Variants in ASCC2 observed in about 807,000 individuals in gnomAD.
The protein encoded by ASCC2 is activating signal cointegrator 1 complex subunit 2, also known as ASC-1 complex subunit P100.
ASCC2 carries 42 observed loss-of-function variants against 93.5 expected under a neutral mutation model. The observed-to-expected ratio is 0.45, with a 90% confidence interval of 0.35 to 0.58. The LOEUF is 0.58. ASCC2 is among the 20% of genes least tolerant of loss of function. The probability of loss-of-function intolerance (pLI) is 0.00; values close to 1 mark genes in which losing one functional copy is unlikely to be tolerated. For synonymous variants in ASCC2, 364 were observed against 384.2 expected (o/e 0.95, Z 0.62); for missense variants, 859 against 977.6 (o/e 0.88, Z 1.62).
At chr22:29,821,593 G>A (rs117687951) in intron 5 of ASCC2, among the ~76,000 whole-genome samples, 1,584 of 152,320 alleles carry the variant, frequency 0.01, 21 homozygotes, top group African/African-American at 0.033. Context: ...CCAGGTCCCC[G>A]GAACACTCTC....
At chr22:29,809,770 C>T (rs1182139297) in intron 8 of ASCC2, 2 of 151,032 alleles carry the variant, frequency 1.3e-5, no homozygotes, top group South Asian at 4.2e-4. Flanking sequence ...CAGAGTAAGA[C>T]TGTCTCAAAA....
intron 8 of ASCC2, among the ~76,000 whole-genome samples, chr22:29,812,094 A>T (rs1048285015): frequency 6.6e-6 from 1 of 152,202 alleles, no homozygotes; most frequent in African/African-American, 2.4e-5. Context: ...GATTTTTATA[A>T]GCTGAGGCGA....
At position 29,801,117 on chromosome 22, in the gene ASCC2, G is replaced by T; in HGVS notation, c.1569-7C>A. On this transcript the variant is annotated splice_polypyrimidine_tract_variant and splice_region_variant and intron_variant, in intron 14 of 19. Transcript: ENST00000307790. ...AGGGTCTGGTTTCATTTCTCTGGGT[G>T]GGGGACACAGAGATCAATTTAAGGG... 1 of 1,589,522 alleles carries T rather than the reference G, an allele frequency of 6.3e-7. No homozygotes were observed. The highest frequency in any genetic ancestry group is 1.1e-5 in the South Asian group (1 of 89,814).
chr22:29,817,666 C>T (rs1039805963), intron 5 of ASCC2, among the ~76,000 whole-genome samples: 4 of 152,204 alleles, frequency 2.6e-5, no homozygotes, highest in African/African-American at 9.6e-5. Context: ...TCCAGTGCTG[C>T]AGCCTGAGTA....
At position 29,800,923 on chromosome 22, in the gene ASCC2, G is replaced by T. The variant is rs866847007; in HGVS notation, c.1688+68C>A. On this transcript the variant is annotated intron_variant, in intron 15 of 19. Coordinates refer to ENST00000307790, the MANE Select transcript of ASCC2 (RefSeq NM_032204.5). ...CCAATTCTGCGAAGATGGAGCCCTTGGTTTCCCTGTGTCCTCTCTGCACTT... is the reference window on the plus strand; with the variant it reads ...CCAATTCTGCGAAGATGGAGCCCTTTGTTTCCCTGTGTCCTCTCTGCACTT... 42 of 1,509,474 alleles carry T rather than the reference G, an allele frequency of 2.8e-5. No individual in the cohort carries two copies. The Middle Eastern group carries it at 1.3e-3, about 47-fold the overall frequency. The allele number at this position is 1,509,474 out of a possible 1,614,324, so 93.5% of individuals were successfully genotyped here. A position where few individuals can be genotyped will look rare whatever the true frequency, so the allele number is the denominator to read the frequency against.
intron 19 of ASCC2, 105 bp downstream of exon 19, chr22:29,790,364 C>T (rs1051846069): frequency 1.3e-5 from 14 of 1,106,562 alleles, no homozygotes; most frequent in Admixed American, 1.0e-4. Context: ...GAACTAAATA[C>T]ACGTGGAGCA....
At chr22:29,802,318 G>T in intron 13 of ASCC2, 110 bp from the exon 14 acceptor site, 1 of 1,058,142 alleles carries the variant, frequency 9.5e-7, no homozygotes, top group Non-Finnish European at 1.4e-6. Flanking sequence ...CAAGTCCTGG[G>T]ATTACCCCTC....
chr22:29,819,280 C>A (rs1158888869), intron 5 of ASCC2, among the ~76,000 whole-genome samples: 2 of 152,208 alleles, frequency 1.3e-5, no homozygotes, highest in Non-Finnish European at 2.9e-5. Context: ...CCTGCCTCAG[C>A]CTCCCAACTA....
At chr22:29,828,089 G>C (rs2062684358) in intron 2 of ASCC2, among the ~76,000 whole-genome samples, 3 of 152,252 alleles carry the variant, frequency 2.0e-5, no homozygotes, top group Admixed American at 2.0e-4. Flanking sequence ...CAGAGGGACT[G>C]TGGAAATGCA....
At chr22:29,801,238 CAA>C in intron 14 of ASCC2, 128 bp from the exon 15 acceptor site, 1 of 1,255,228 alleles carries the variant, frequency 8.0e-7, no homozygotes, top group Non-Finnish European at 1.1e-6. Flanking sequence ...TCCTAGGACA[CAA>C]TCTCAAAACC....
chr22:29,822,124 TG>T, intron 5 of ASCC2: 1 of 616,042 alleles, frequency 1.6e-6, no homozygotes, highest in Non-Finnish European at 2.8e-6. Flanking sequence ...GGGAACTGTC[TG>T]GTACACAGTT....
intron 5 of ASCC2, among the ~76,000 whole-genome samples, chr22:29,818,422 A>AGTGAAGGGG (rs373461797): frequency 8.2e-5 from 3 of 36,488 alleles, no homozygotes; most frequent in Non-Finnish European, 1.3e-4. Context: ...ACACACACAC[A>AGTGAAGGGG]CACACACACA....
Position 29,788,914 on chromosome 22 carries a change from G to T in ASCC2, c.*99C>A. 1 of 1,445,940 alleles carries T rather than the reference G, an allele frequency of 6.9e-7. No homozygotes were observed. Among genetic ancestry groups the T allele is most frequent in the Non-Finnish European group, 9.6e-7 (1 of 1,045,372 alleles). 89.6% of individuals were successfully genotyped at this position (1,445,940 alleles called of 1,614,324 possible). On this transcript the variant is annotated 3_prime_UTR_variant, in exon 20 of 20. Transcript: ENST00000307790. The stretch of plus-strand genomic sequence containing the variant: ...GCAAAGCTGAGGCTGTTGAGGGGTT[G>T]AGTTGAACTTGGGGCCCCTAGTGAG...
At chr22:29,813,669 C>T in intron 7 of ASCC2, 127 bp from the exon 8 acceptor site, 2 of 664,076 alleles carry the variant, frequency 3.0e-6, no homozygotes, top group Admixed American at 2.7e-5. Context: ...AGGAAAAGAA[C>T]ACTGGAGGTC....
At chr22:29,819,125 C>T (rs116708315) in intron 5 of ASCC2, among the ~76,000 whole-genome samples, 1,559 of 152,290 alleles carry the variant, frequency 0.01, 25 homozygotes, top group African/African-American at 0.036. Context: ...ATGCCAGGCA[C>T]GGTCCTGAGT....
chr22:29,835,420 A>T (rs7292360), intron 1 of ASCC2, among the ~76,000 whole-genome samples: 19,222 of 151,140 alleles, frequency 0.13, 1,963 homozygotes, highest in African/African-American at 0.29. Flanking sequence ...AAAAAAAAAA[A>T]TTTTTTTTCT....
At chr22:29,810,690 C>G (rs550200959) in intron 8 of ASCC2, among the ~76,000 whole-genome samples, 1 of 152,038 alleles carries the variant, frequency 6.6e-6, no homozygotes, top group Non-Finnish European at 1.5e-5. Flanking sequence ...CTCAGATATA[C>G]TCACAGAGGT....
intron 8 of ASCC2, among the ~76,000 whole-genome samples, chr22:29,811,863 T>C (rs1207206776): frequency 6.6e-6 from 1 of 152,264 alleles, no homozygotes; most frequent in Non-Finnish European, 1.5e-5. Context: ...AGCGAAAATA[T>C]GCAAGGTACG....
intron 5 of ASCC2, among the ~76,000 whole-genome samples, chr22:29,816,284 G>A (rs1236872649): frequency 6.6e-6 from 1 of 152,118 alleles, no homozygotes; most frequent in Admixed American, 6.5e-5. Context: ...GTGGGGGAGG[G>A]ACCTTGCTCA....
Sources: allele counts gnomAD v4.1 joint callset (sites outside exome capture counted in the v4.1 genomes callset), GRCh38; gene constraint gnomAD v4.1.1; transcripts MANE v1.5; gene names NCBI Gene and HGNC (gene_info 2026-07-23, HGNC 2026-07-21).